The following TNNI3K variants were observed in gnomAD, a reference collection of about 807,000 sequenced individuals.
TNNI3K encodes the protein TNNI3 interacting kinase, also known as serine/threonine-protein kinase TNNI3K.
Under a neutral mutation model 114.5 loss-of-function variants are expected in TNNI3K, and 140 were observed. The ratio of observed to expected loss-of-function variants is 1.22; its 90% confidence interval spans 1.07 to 1.41. The LOEUF is 1.41. Ranked by LOEUF, TNNI3K falls within the 40% of genes most tolerant of loss-of-function variation. The probability of loss-of-function intolerance (pLI) is 0.00; values close to 1 mark genes in which losing one functional copy is unlikely to be tolerated. For synonymous variants in TNNI3K, 347 were observed against 347.5 expected (o/e 1.00, Z 0.02); for missense variants, 1,125 against 1,007.6 (o/e 1.12, Z -1.58).
chr1:74,270,899 TTC>T (rs1656300611), intron 4 of TNNI3K, among the ~76,000 whole-genome samples: 1 of 151,330 alleles, frequency 6.6e-6, no homozygotes, highest in African/African-American at 2.4e-5. Context: ...TAAATATTAT[TTC>T]ATGTATCTCC....
At chr1:74,428,209 T>G (rs1415267834) in intron 17 of TNNI3K, among the ~76,000 whole-genome samples, 4 of 152,130 alleles carry the variant, frequency 2.6e-5, no homozygotes, top group African/African-American at 9.7e-5. Context: ...TGATAGGGGC[T>G]TTGGTAAATT....
intron 17 of TNNI3K, among the ~76,000 whole-genome samples, chr1:74,421,596 G>T (rs964986330): frequency 3.3e-5 from 5 of 152,178 alleles, no homozygotes; most frequent in African/African-American, 9.6e-5. Flanking sequence ...TGAATTAAAT[G>T]CTGTAAGAAC....
intron 23 of TNNI3K, among the ~76,000 whole-genome samples, chr1:74,506,793 G>C (rs1358948399): frequency 1.3e-5 from 2 of 152,098 alleles, no homozygotes; most frequent in African/African-American, 4.8e-5. Flanking sequence ...TCTCTTTCTA[G>C]ATTTTTTTCC....
intron 17 of TNNI3K, among the ~76,000 whole-genome samples, chr1:74,409,594 A>G (rs1332666056): frequency 6.6e-6 from 1 of 150,400 alleles, no homozygotes; most frequent in Non-Finnish European, 1.5e-5. Context: ...CCTGGGTTCA[A>G]GTGATTCTCC....
intron 11 of TNNI3K, 140 bp from the exon 12 acceptor site, chr1:74,367,116 C>A: frequency 1.3e-6 from 1 of 778,916 alleles, no homozygotes; most frequent in Non-Finnish European, 2.0e-6. Context: ...AATGAATGAA[C>A]TAAATTTCTA....
chr1:74,493,991 T>C (rs1356898629), intron 23 of TNNI3K, among the ~76,000 whole-genome samples: 1 of 152,150 alleles, frequency 6.6e-6, no homozygotes, highest in African/African-American at 2.4e-5. Context: ...TTAATATAAA[T>C]ACGGTTGTCA....
chr1:74,384,026 A>G (rs1195483888), intron 17 of TNNI3K, among the ~76,000 whole-genome samples: 1 of 152,004 alleles, frequency 6.6e-6, no homozygotes, highest in Non-Finnish European at 1.5e-5. Flanking sequence ...CAGTAGTCAG[A>G]TAATCCAAAA....
chr1:74,277,312 A>G (rs1408397508), intron 5 of TNNI3K, among the ~76,000 whole-genome samples: 1 of 152,068 alleles, frequency 6.6e-6, no homozygotes, highest in African/African-American at 2.4e-5. Context: ...CTGGGGATCT[A>G]CCTTCACATC....
At chr1:74,276,312 T>C (rs773846271) in intron 5 of TNNI3K, among the ~76,000 whole-genome samples, 3 of 152,112 alleles carry the variant, frequency 2.0e-5, no homozygotes, top group East Asian at 1.9e-4. Flanking sequence ...AAGTTGTATA[T>C]TGGGCATAAT....
intron 17 of TNNI3K, among the ~76,000 whole-genome samples, chr1:74,413,121 C>T (rs1664965515): frequency 6.6e-6 from 1 of 152,150 alleles, no homozygotes; most frequent in Admixed American, 6.5e-5. Context: ...TGTGTTTATT[C>T]TTTCATTCAC....
chr1:74,388,821 GAGTA>G (rs1663619486), intron 17 of TNNI3K, among the ~76,000 whole-genome samples: 1 of 152,116 alleles, frequency 6.6e-6, no homozygotes, highest in Non-Finnish European at 1.5e-5. Context: ...CATACTGCCA[GAGTA>G]ACATCTCTCA....
chr1:74,440,746 T>C (rs559652937), intron 20 of TNNI3K, among the ~76,000 whole-genome samples: 11 of 152,278 alleles, frequency 7.2e-5, no homozygotes, highest in Admixed American at 6.5e-4. Flanking sequence ...CTTATTATAG[T>C]GTGGATGTGT....
At chr1:74,467,831 A>G (rs1667742478) in intron 21 of TNNI3K, among the ~76,000 whole-genome samples, 1 of 152,162 alleles carries the variant, frequency 6.6e-6, no homozygotes, top group Non-Finnish European at 1.5e-5. Flanking sequence ...TTACTGAATT[A>G]AAATCTCTCA....
intron 17 of TNNI3K, among the ~76,000 whole-genome samples, chr1:74,422,761 C>CAA (rs150800698): frequency 1.3e-5 from 2 of 150,240 alleles, no homozygotes; most frequent in African/African-American, 2.4e-5. Context: ...TAAATCAAGA[C>CAA]AAAAAAAAAC....
chr1:74,393,839 CTAGAT>C lies in TNNI3K; in HGVS notation c.1772+23448_1772+23452del, dbSNP rs1570566312. Among the ~76,000 whole-genome samples the C allele has an allele frequency of 2.6e-5, 4 of 152,258 alleles. No homozygotes were observed. The East Asian group carries it at 5.8e-4, about 22-fold the overall frequency. On this transcript the variant is annotated intron_variant, in intron 17 of 24. Coordinates refer to ENST00000326637, the MANE Select transcript of TNNI3K (RefSeq NM_015978.3). ...GATTTGCTCATAAGGATCACACAAC[CTAGAT>C]CCCTTGCATGCATAGTTCACAATAG...
chr1:74,290,499 A>T (rs1446712362), intron 5 of TNNI3K, among the ~76,000 whole-genome samples: 2 of 151,778 alleles, frequency 1.3e-5, no homozygotes, highest in African/African-American at 2.4e-5. Context: ...ATGGGTGTTC[A>T]TGCAAAATAA....
intron 2 of TNNI3K, among the ~76,000 whole-genome samples, chr1:74,242,893 C>T (rs978884837): frequency 2.6e-5 from 4 of 152,022 alleles, no homozygotes; most frequent in African/African-American, 9.7e-5. Context: ...CCCTCTCCTT[C>T]TCCATCTGTA....
At chr1:74,490,282 A>T (rs997806299) in intron 22 of TNNI3K, among the ~76,000 whole-genome samples, 3 of 152,170 alleles carry the variant, frequency 2.0e-5, no homozygotes, top group African/African-American at 7.2e-5. Context: ...AAGTAGTCAT[A>T]TATTTGGTGG....
chr1:74,344,955 G>T (rs1205294794), intron 9 of TNNI3K, among the ~76,000 whole-genome samples: 1 of 151,940 alleles, frequency 6.6e-6, no homozygotes, highest in Non-Finnish European at 1.5e-5. Context: ...GTACATTTCT[G>T]TTGTGGTTTT....
Sources: allele counts gnomAD v4.1 joint callset (sites outside exome capture counted in the v4.1 genomes callset), GRCh38; gene constraint gnomAD v4.1.1; transcripts MANE v1.5; gene names NCBI Gene and HGNC (gene_info 2026-07-23, HGNC 2026-07-21).